The following SLC35D4 variants were observed in gnomAD, a reference collection of about 807,000 sequenced individuals.
The protein encoded by SLC35D4 is solute carrier family 35 member D4, also known as UDP-N-acetylglucosamine transporter SLC35D4.
At chr18:23,339,897 A>G in the SLC35D4 span, among the ~76,000 whole-genome samples, 2 of 152,310 alleles carry the variant, frequency 1.3e-5, no homozygotes, top group Admixed American at 1.3e-4. Context: ...TCTTACTACC[A>G]TCACCTTGGG....
chr18:23,319,322 G>GT, the SLC35D4 span, among the ~76,000 whole-genome samples: 1 of 151,418 alleles, frequency 6.6e-6, no homozygotes, highest in Non-Finnish European at 1.5e-5. Flanking sequence ...CCAGGCTGGA[G>GT]TGCAATAGCA....
chr18:23,352,605 T>C, the SLC35D4 span, among the ~76,000 whole-genome samples: 4 of 152,190 alleles, frequency 2.6e-5, no homozygotes, highest in Admixed American at 2.6e-4. Flanking sequence ...ATAGAACTTC[T>C]GGAGTTTTGG....
the SLC35D4 span, among the ~76,000 whole-genome samples, chr18:23,404,819 C>T: frequency 2.0e-5 from 3 of 150,468 alleles, no homozygotes; most frequent in Non-Finnish European, 3.0e-5. Context: ...AACCCCATCT[C>T]TACTAAAAAT....
chr18:23,368,932 C>A, the SLC35D4 span, among the ~76,000 whole-genome samples: 2 of 152,164 alleles, frequency 1.3e-5, no homozygotes, highest in Admixed American at 1.3e-4. Context: ...AAATCACACA[C>A]ATTTTCACCT....
the SLC35D4 span, among the ~76,000 whole-genome samples, chr18:23,265,751 A>C: frequency 6.6e-6 from 1 of 152,080 alleles, no homozygotes; most frequent in Non-Finnish European, 1.5e-5. Flanking sequence ...GATGACCAAA[A>C]AGAAATCTCT....
the SLC35D4 span, among the ~76,000 whole-genome samples, chr18:23,284,681 A>G: frequency 6.6e-6 from 1 of 152,240 alleles, no homozygotes; most frequent in Non-Finnish European, 1.5e-5. Context: ...ATTGACTCAG[A>G]ATAAACCTCT....
the SLC35D4 span, among the ~76,000 whole-genome samples, chr18:23,241,456 G>A: frequency 3.4e-5 from 5 of 147,130 alleles, 1 homozygote; most frequent in East Asian, 4.0e-4. Flanking sequence ...GCTTAAACCC[G>A]GGAGGTGGAG....
the SLC35D4 span, among the ~76,000 whole-genome samples, chr18:23,245,522 C>T: frequency 1.3e-4 from 19 of 147,534 alleles, no homozygotes; most frequent in African/African-American, 2.5e-4. Flanking sequence ...AAAAAAAAAG[C>T]GAAATAGGTA....
At chr18:23,377,123 A>G in the SLC35D4 span, among the ~76,000 whole-genome samples, 1 of 152,150 alleles carries the variant, frequency 6.6e-6, no homozygotes, top group Non-Finnish European at 1.5e-5. Flanking sequence ...TTAGAATTCA[A>G]ATGCTGCAGG....
the SLC35D4 span, among the ~76,000 whole-genome samples, chr18:23,269,335 C>A: frequency 6.6e-6 from 1 of 152,240 alleles, no homozygotes; most frequent in South Asian, 2.1e-4. Flanking sequence ...CTGCACTTCT[C>A]CTTCCTGCCA....
the SLC35D4 span, among the ~76,000 whole-genome samples, chr18:23,422,740 G>A: frequency 3.3e-5 from 5 of 152,236 alleles, no homozygotes; most frequent in Non-Finnish European, 5.9e-5. Context: ...ACACATTCGG[G>A]GTCATGAAGC....
the SLC35D4 span, among the ~76,000 whole-genome samples, chr18:23,334,205 G>A: frequency 6.6e-6 from 1 of 152,120 alleles, no homozygotes; most frequent in Non-Finnish European, 1.5e-5. Context: ...AAAATTGTGC[G>A]GAAAACACAT....
At chr18:23,353,056 G>C in the SLC35D4 span, among the ~76,000 whole-genome samples, 276 of 128,964 alleles carry the variant, frequency 2.1e-3, 2 homozygotes, top group African/African-American at 7.4e-3. Context: ...CAGGACAACT[G>C]GGGAAGAGGT....
chr18:23,274,285 A>G, the SLC35D4 span, among the ~76,000 whole-genome samples: 1 of 152,010 alleles, frequency 6.6e-6, no homozygotes, highest in Non-Finnish European at 1.5e-5. Context: ...TGGGCCATTC[A>G]CCTCCAGCCC....
the SLC35D4 span, among the ~76,000 whole-genome samples, chr18:23,379,097 G>C: frequency 1.3e-5 from 2 of 151,992 alleles, no homozygotes; most frequent in African/African-American, 4.8e-5. Flanking sequence ...AACTGCCCCC[G>C]GTATGATAAA....
chr18:23,338,773 A>G, the SLC35D4 span, among the ~76,000 whole-genome samples: 1 of 152,122 alleles, frequency 6.6e-6, no homozygotes, highest in Non-Finnish European at 1.5e-5. Flanking sequence ...CTGTACCCAC[A>G]ATGCGCTCCA....
the SLC35D4 span, chr18:23,331,438 C>T: frequency 2.0e-5 from 3 of 152,296 alleles, no homozygotes; most frequent in Admixed American, 6.5e-5. Context: ...AGCAAGAGGC[C>T]CCAGGGCTCT....
At chr18:23,276,180 C>T in the SLC35D4 span, among the ~76,000 whole-genome samples, 6 of 152,034 alleles carry the variant, frequency 3.9e-5, no homozygotes, top group African/African-American at 9.6e-5. Flanking sequence ...CTCCGCCTCC[C>T]GGGTTCACGC....
chr18:23,429,222 G>T, the SLC35D4 span, among the ~76,000 whole-genome samples: 2 of 152,346 alleles, frequency 1.3e-5, no homozygotes, highest in East Asian at 1.9e-4. Flanking sequence ...TAATGGGATT[G>T]CTGGGTCAAA....
Sources: gnomAD v4.1 joint callset for allele counts (sites outside exome capture counted in the v4.1 genomes callset) on GRCh38, gnomAD v4.1.1 for gene constraint, MANE v1.5 for transcripts, NCBI Gene and HGNC (gene_info 2026-07-23, HGNC 2026-07-21) for gene names.